The following NDST3 variants were observed in gnomAD, a reference collection of about 807,000 sequenced individuals.
NDST3 encodes the protein N-deacetylase and N-sulfotransferase 3.
In NDST3, 58 loss-of-function variants were observed where a neutral mutation model predicts 96.1. The ratio of observed to expected loss-of-function variants is 0.60; its 90% CI spans 0.49 to 0.75. The LOEUF is 0.75. Among genes scored for constraint, NDST3 ranks in the 30% least tolerant of loss-of-function variants. The pLI is 0.00. For missense variants in NDST3, 788 were observed against 1,034.2 expected (o/e 0.76, Z 3.27); for synonymous variants, 333 against 359.7 (o/e 0.93, Z 0.84).
intron 2 of NDST3, among the ~76,000 whole-genome samples, chr4:118,066,022 T>C (rs1037108149): frequency 3.0e-5 from 4 of 135,434 alleles, no homozygotes; most frequent in Non-Finnish European, 4.6e-5. Flanking sequence ...TCCTCAAAAA[T>C]AATAATAATA....
intron 6 of NDST3, among the ~76,000 whole-genome samples, chr4:118,185,116 A>T (rs928289369): frequency 1.2e-4 from 18 of 152,326 alleles, no homozygotes; most frequent in African/African-American, 3.8e-4. Context: ...TAATAACATC[A>T]AAGAATGTTA....
chr4:118,174,776 T>C (rs551850797), intron 6 of NDST3, among the ~76,000 whole-genome samples: 1 of 152,152 alleles, frequency 6.6e-6, no homozygotes, highest in Non-Finnish European at 1.5e-5. Flanking sequence ...ATTTTCTCTG[T>C]AGTTGCTCAC....
At chr4:118,126,777 C>A (rs1005644573) in intron 4 of NDST3, among the ~76,000 whole-genome samples, 8 of 152,072 alleles carry the variant, frequency 5.3e-5, no homozygotes, top group African/African-American at 1.7e-4. Flanking sequence ...AAACTGTTCT[C>A]CATAGTGGTT....
chr4:118,185,216 TTAA>T (rs1303418580), intron 6 of NDST3, among the ~76,000 whole-genome samples: 26 of 152,062 alleles, frequency 1.7e-4, no homozygotes, highest in African/African-American at 6.3e-4. Context: ...TATGTTACCA[TTAA>T]TTATTTAATA....
intron 6 of NDST3, among the ~76,000 whole-genome samples, chr4:118,186,094 G>A (rs1736934864): frequency 6.6e-6 from 1 of 152,000 alleles, no homozygotes; most frequent in South Asian, 2.1e-4. Context: ...TCCTTGTTTT[G>A]GAATCTTCTG....
intron 6 of NDST3, chr4:118,193,437 C>T: frequency 1.4e-6 from 1 of 699,554 alleles, no homozygotes; most frequent in Non-Finnish European, 2.4e-6. Flanking sequence ...GACTGGCTCT[C>T]TGTGGTGTTG....
chr4:118,057,915 G>A (rs968410428), intron 2 of NDST3, among the ~76,000 whole-genome samples: 1 of 152,052 alleles, frequency 6.6e-6, no homozygotes, highest in Non-Finnish European at 1.5e-5. Context: ...GTCCAGGACT[G>A]AGAGTATTTG....
chr4:118,058,135 T>A (rs1274606592), intron 2 of NDST3, among the ~76,000 whole-genome samples: 1 of 151,910 alleles, frequency 6.6e-6, no homozygotes, highest in Non-Finnish European at 1.5e-5. Flanking sequence ...ATTGGGAAAA[T>A]TTAAAAGAAT....
intron 4 of NDST3, 106 bp from the exon 5 acceptor site, chr4:118,137,948 T>C (rs1485338668): frequency 2.2e-6 from 2 of 920,006 alleles, no homozygotes; most frequent in Admixed American, 6.0e-5. Context: ...AATTAAGTAA[T>C]GATGCATTTA....
intron 6 of NDST3, among the ~76,000 whole-genome samples, chr4:118,205,982 G>A (rs570414184): frequency 2.8e-5 from 4 of 142,846 alleles, no homozygotes; most frequent in East Asian, 2.0e-4. Context: ...ACAGAAGCCC[G>A]CCACCACGCC....
At chr4:118,162,281 C>A (rs905243645) in intron 6 of NDST3, among the ~76,000 whole-genome samples, 4 of 152,118 alleles carry the variant, frequency 2.6e-5, no homozygotes, top group African/African-American at 9.7e-5. Flanking sequence ...AAAAAAGAGC[C>A]CTCATTGCCA....
chr4:118,127,834 CTTT>C (rs1014526200), intron 4 of NDST3, among the ~76,000 whole-genome samples: 2 of 151,798 alleles, frequency 1.3e-5, no homozygotes, highest in African/African-American at 2.4e-5. Context: ...CATAGAATAT[CTTT>C]TTATTTTTTT....
At chr4:118,057,945 A>G (rs1725564487) in intron 2 of NDST3, among the ~76,000 whole-genome samples, 1 of 152,096 alleles carries the variant, frequency 6.6e-6, no homozygotes, top group Admixed American at 6.6e-5. Flanking sequence ...CGTAGAGTCC[A>G]AGAGTTAGAT....
intron 9 of NDST3, 117 bp downstream of exon 9, chr4:118,233,252 C>A (rs1740428518): frequency 1.1e-6 from 1 of 909,580 alleles, no homozygotes; most frequent in Non-Finnish European, 1.5e-6. Context: ...AACCTCTGTG[C>A]CTTGGAAATT....
chr4:118,155,115 T>C (rs1734640661), intron 6 of NDST3, among the ~76,000 whole-genome samples: 1 of 152,236 alleles, frequency 6.6e-6, no homozygotes, highest in African/African-American at 2.4e-5. Flanking sequence ...TTTAAATTTA[T>C]AAAGCCAAAA....
At chr4:118,153,436 AAAAT>A (rs1266805738) in intron 6 of NDST3, among the ~76,000 whole-genome samples, 3 of 152,264 alleles carry the variant, frequency 2.0e-5, no homozygotes, top group African/African-American at 7.2e-5. Flanking sequence ...GGCCAGTAGC[AAAAT>A]AAATTATGTT....
chr4:118,245,393 G>A (rs1246591097), intron 12 of NDST3, among the ~76,000 whole-genome samples: 4 of 152,198 alleles, frequency 2.6e-5, no homozygotes, highest in Non-Finnish European at 5.9e-5. Flanking sequence ...AATGGGCAAT[G>A]AGAAGTTGAA....
At chr4:118,085,017 C>T (rs886526540) in intron 2 of NDST3, among the ~76,000 whole-genome samples, 28 of 151,952 alleles carry the variant, frequency 1.8e-4, no homozygotes, top group South Asian at 8.3e-4. Context: ...CCAGGTACTC[C>T]GGAGGCTGAG....
At chr4:118,074,715 A>T (rs547910441) in intron 2 of NDST3, among the ~76,000 whole-genome samples, 10 of 152,174 alleles carry the variant, frequency 6.6e-5, no homozygotes, top group African/African-American at 2.4e-4. Context: ...GTGCCTTTTA[A>T]TTGGGGAATT....
Sources: gnomAD v4.1 joint callset for allele counts (sites outside exome capture counted in the v4.1 genomes callset) on GRCh38, gnomAD v4.1.1 for gene constraint, MANE v1.5 for transcripts, NCBI Gene and HGNC (gene_info 2026-07-23, HGNC 2026-07-21) for gene names.